NPAS3: variants seen among roughly 807,000 people sequenced by gnomAD.
The protein encoded by NPAS3 is neuronal PAS domain protein 3.
Under a neutral mutation model 73.1 loss-of-function variants are expected in NPAS3, and 14 were observed. That is an observed-to-expected ratio of 0.19 (90% CI 0.13 to 0.30). The LOEUF (loss-of-function observed/expected upper bound fraction) is 0.30, where lower values mean the gene tolerates loss of function less well. Ranked by LOEUF, NPAS3 falls within the 10% of genes least tolerant of loss-of-function variation. The probability of loss-of-function intolerance (pLI) is 1.00; values close to 1 mark genes in which losing one functional copy is unlikely to be tolerated. For missense variants in NPAS3, 1,096 were observed against 1,250.0 expected, an observed-to-expected ratio of 0.88 and a Z score of 1.86; for synonymous variants, 620 against 541.5, an observed-to-expected ratio of 1.14 and a Z score of -2.01.
At chr14:33,214,304 TG>T in intron 2 of NPAS3, 1 of 152,158 alleles carries the variant, frequency 6.6e-6, no homozygotes. Flanking sequence ...CTCAGCAATG[TG>T]AGCAAACTTC....
At chr14:32,951,192 C>T (rs981468247) in intron 1 of NPAS3, among the ~76,000 whole-genome samples, 1 of 151,982 alleles carries the variant, frequency 6.6e-6, no homozygotes, top group African/African-American at 2.4e-5. Flanking sequence ...TCTTTATTTT[C>T]ATACTGAGTT....
intron 1 of NPAS3, among the ~76,000 whole-genome samples, chr14:32,991,798 C>A (rs2139480230): frequency 6.6e-6 from 1 of 152,250 alleles, no homozygotes; most frequent in Admixed American, 6.5e-5. Flanking sequence ...CATTCGTTGC[C>A]TTGGTAATTT....
intron 3 of NPAS3, among the ~76,000 whole-genome samples, chr14:33,241,093 T>A (rs1319965963): frequency 1.3e-5 from 2 of 151,866 alleles, no homozygotes; most frequent in Non-Finnish European, 2.9e-5. Flanking sequence ...GTGCTTCTGG[T>A]TGAGACATTT....
exon 3 of NPAS3, chr14:33,215,245 C>A: frequency 6.2e-7 from 1 of 1,609,170 alleles, no homozygotes; most frequent in Non-Finnish European, 8.5e-7. Context: ...GAAAAGAAAA[C>A]TTTGAGTTCT....
rs959705935 is a variant in NPAS3 at position 33,509,543 on chromosome 14, C to A, written c.469-50578C>A. Among the ~76,000 whole-genome samples the A allele has an allele frequency of 1.3e-4, 20 of 151,978 alleles. 1 individual carries two copies. On this transcript the variant is annotated intron_variant, in intron 4 of 11. Coordinates refer to ENST00000356141, the Ensembl canonical transcript of NPAS3. ...CAAATGACTATATAATTAAATCCTT[C>A]ATTATGTGGATTTTCTGACCTAGAG...
At chr14:33,288,826 A>T (rs927616307) in intron 3 of NPAS3, among the ~76,000 whole-genome samples, 1 of 152,130 alleles carries the variant, frequency 6.6e-6, no homozygotes, top group African/African-American at 2.4e-5. Context: ...CACAAAGCAA[A>T]ATATCTAAAA....
At chr14:33,467,619 A>C (rs2050586805) in intron 4 of NPAS3, among the ~76,000 whole-genome samples, 1 of 152,216 alleles carries the variant, frequency 6.6e-6, no homozygotes, top group Non-Finnish European at 1.5e-5. Context: ...CTACCTGGAA[A>C]TGTGACTGGA....
intron 2 of NPAS3, among the ~76,000 whole-genome samples, chr14:33,169,257 A>C (rs2045293350): frequency 6.6e-6 from 1 of 152,108 alleles, no homozygotes; most frequent in Non-Finnish European, 1.5e-5. Flanking sequence ...TTTTTTGTGA[A>C]CTACTGTTTC....
intron 5 of NPAS3, among the ~76,000 whole-genome samples, chr14:33,590,032 A>G (rs1209100531): frequency 1.3e-5 from 2 of 152,220 alleles, no homozygotes; most frequent in Non-Finnish European, 2.9e-5. Context: ...ACAGACCCCA[A>G]AAGACAACAT....
At chr14:33,046,094 G>T (rs1595314779) in intron 1 of NPAS3, among the ~76,000 whole-genome samples, 1 of 152,190 alleles carries the variant, frequency 6.6e-6, no homozygotes, top group Non-Finnish European at 1.5e-5. Context: ...TAACACTCTT[G>T]TTTCTGATGC....
rs572164267 is a variant in NPAS3, at chr14:33,555,620, C to A, written c.469-4501C>A. On this transcript the variant is annotated intron_variant, in intron 4 of 11. Coordinates refer to ENST00000356141, the Ensembl canonical transcript of NPAS3. ...TCCCACCTTTTTAAGTTGATAACACCCAAATTAAACCAACAATGATGCTAC... is the reference window on the plus strand; with the variant it reads ...TCCCACCTTTTTAAGTTGATAACACACAAATTAAACCAACAATGATGCTAC... Among the ~76,000 whole-genome samples, 9 of 152,114 alleles carry A rather than the reference C, an allele frequency of 5.9e-5. No homozygotes were observed. In the South Asian group the frequency reaches 1.9e-3, roughly 32 times the overall value.
intron 2 of NPAS3, among the ~76,000 whole-genome samples, chr14:33,110,982 T>C (rs551779897): frequency 6.6e-6 from 1 of 152,122 alleles, no homozygotes; most frequent in Middle Eastern, 3.4e-3. Flanking sequence ...AACTGACAGA[T>C]GGAGAGGAGA....
intron 2 of NPAS3, among the ~76,000 whole-genome samples, chr14:33,090,589 C>G (rs8013062): frequency 6.6e-6 from 1 of 151,832 alleles, no homozygotes; most frequent in Non-Finnish European, 1.5e-5. Flanking sequence ...GACAGATCAA[C>G]GAGACAGAAA....
intron 3 of NPAS3, among the ~76,000 whole-genome samples, chr14:33,282,172 T>C (rs1326933101): frequency 6.6e-6 from 1 of 152,234 alleles, no homozygotes; most frequent in East Asian, 1.9e-4. Flanking sequence ...TTTCTCCTTA[T>C]TTTCATCTTT....
In NPAS3 at chr14:33,662,966, T is replaced by C. The variant is rs1294962039; in HGVS notation, c.559-13245T>C. ...ACCTCCGCCTCCTGGGTTCACGCCA[T>C]TCTCCTGCCTCAGCCTCCTGAGTGG... On this transcript the variant is annotated intron_variant, in intron 5 of 11. Transcript: ENST00000356141. Among the ~76,000 whole-genome samples the C allele has an allele frequency of 8.9e-5, 13 of 146,024 alleles. 1 individual carries two copies. The highest frequency in any genetic ancestry group is 2.0e-4 in the Non-Finnish European group (13 of 66,448).
At chr14:32,968,772 CT>C (rs144725905) in intron 1 of NPAS3, among the ~76,000 whole-genome samples, 30 of 146,108 alleles carry the variant, frequency 2.1e-4, no homozygotes, top group East Asian at 4.0e-4. Flanking sequence ...TACTTTCTTT[CT>C]TTTTTTTTTT....
At chr14:33,394,624 G>A (rs1460387409) in intron 4 of NPAS3, among the ~76,000 whole-genome samples, 5 of 152,058 alleles carry the variant, frequency 3.3e-5, no homozygotes, top group Non-Finnish European at 4.4e-5. Context: ...TTATTTTCAT[G>A]TTAGCAGGAT....
chr14:33,555,544 A>G (rs1350936773), intron 4 of NPAS3, among the ~76,000 whole-genome samples: 1 of 152,178 alleles, frequency 6.6e-6, no homozygotes, highest in Non-Finnish European at 1.5e-5. Flanking sequence ...GAACTTTGAG[A>G]TTAATCACAC....
In NPAS3 at chr14:33,446,795, A is replaced by G. The variant is rs149587379; in HGVS notation, c.468+79527A>G. Among the ~76,000 whole-genome samples, 212 of 152,360 alleles carry G rather than the reference A, an allele frequency of 1.4e-3. 2 individuals are homozygous for G. The East Asian group carries it at 0.02, about 14-fold the overall frequency. On this transcript the variant is annotated intron_variant, in intron 4 of 11. Transcript: ENST00000356141. ...GCATTAGTTACAGAGAACAAAATCT[A>G]TTAAGTATATTCATGTATGATCTGA...
Sources: allele counts gnomAD v4.1 joint callset (sites outside exome capture counted in the v4.1 genomes callset), GRCh38; gene constraint gnomAD v4.1.1; transcripts MANE v1.5; gene names NCBI Gene and HGNC (gene_info 2026-07-23, HGNC 2026-07-21).